The following EXOC6B variants were observed in gnomAD, a reference collection of about 807,000 sequenced individuals.
The protein encoded by EXOC6B is SEC15 homolog B.
Under a neutral mutation model 113.5 loss-of-function variants are expected in EXOC6B, and 54 were observed. The observed-to-expected ratio is 0.48, with a 90% CI of 0.38 to 0.60. The LOEUF (loss-of-function observed/expected upper bound fraction) is 0.60. EXOC6B is among the 20% of genes least tolerant of loss of function. The probability of loss-of-function intolerance (pLI) is 0.00; values close to 1 mark genes in which losing one functional copy is unlikely to be tolerated. For synonymous variants in EXOC6B, 357 were observed against 339.0 expected (o/e 1.05, Z -0.58); for missense variants, 797 against 977.5 (o/e 0.82, Z 2.46).
chr2:72,537,002 T>C (rs1470598716), intron 8 of EXOC6B, among the ~76,000 whole-genome samples: 1 of 152,248 alleles, frequency 6.6e-6, no homozygotes, highest in Admixed American at 6.5e-5. Context: ...GTCTTGTACA[T>C]ATTTTAGGTT....
intron 1 of EXOC6B, among the ~76,000 whole-genome samples, chr2:72,823,482 A>AAAAAAAAAAAAAAG (rs1686713143): frequency 1.4e-5 from 2 of 138,984 alleles, no homozygotes; most frequent in South Asian, 2.1e-4. Context: ...AAAAAAACAA[A>AAAAAAAAAAAAAAG]AAACAAAAAA....
intron 19 of EXOC6B, among the ~76,000 whole-genome samples, chr2:72,339,978 A>G (rs1475722221): frequency 6.6e-6 from 1 of 152,158 alleles, no homozygotes; most frequent in Non-Finnish European, 1.5e-5. Flanking sequence ...TATATTTCTA[A>G]TAATCTTCAC....
intron 19 of EXOC6B, among the ~76,000 whole-genome samples, chr2:72,364,978 G>A (rs1690531728): frequency 6.6e-6 from 1 of 152,066 alleles, no homozygotes; most frequent in Non-Finnish European, 1.5e-5. Context: ...AATTTTGACT[G>A]GTTTAGCCAA....
Position 72,176,269 on chromosome 2 carries a change from A to C in EXOC6B, c.*3066T>G, listed in dbSNP as rs1372779429. On this transcript the variant is annotated 3_prime_UTR_variant, in exon 22 of 22. Transcript: ENST00000272427. ...ATTGTGAATGCAGGCAAAAAAAAAA[A>C]AAACAAAAAGGAAGAAGAAGAAGAA... The C allele has an allele frequency of 1.3e-5, 2 of 149,712 alleles. No individual in the cohort carries two copies. The highest frequency in any genetic ancestry group is 1.9e-4 in the East Asian group (1 of 5,194). 9.3% of individuals were successfully genotyped at this position (149,712 alleles called of 1,614,324 possible). A position where few individuals can be genotyped will look rare whatever the true frequency, so the allele number is the denominator to read the frequency against.
chr2:72,472,522 T>C (rs1698475888), intron 17 of EXOC6B, among the ~76,000 whole-genome samples: 1 of 152,170 alleles, frequency 6.6e-6, no homozygotes, highest in Admixed American at 6.5e-5. Context: ...CTGATGATCT[T>C]TTCTGTTTCT....
At chr2:72,585,823 A>G (rs1041987884) in intron 6 of EXOC6B, among the ~76,000 whole-genome samples, 6 of 152,164 alleles carry the variant, frequency 3.9e-5, no homozygotes, top group African/African-American at 1.2e-4. Context: ...ACCAACCTAA[A>G]AAAAGCCCTG....
chr2:72,267,503 A>G (rs527572792), intron 20 of EXOC6B, among the ~76,000 whole-genome samples: 1 of 152,170 alleles, frequency 6.6e-6, no homozygotes, highest in Non-Finnish European at 1.5e-5. Flanking sequence ...TTCTGCATCT[A>G]TTGAGATAAT....
intron 18 of EXOC6B, among the ~76,000 whole-genome samples, chr2:72,454,579 T>C (rs770764507): frequency 2.0e-5 from 3 of 152,198 alleles, no homozygotes; most frequent in Non-Finnish European, 4.4e-5. Context: ...TGTGGAATTT[T>C]GCAGTATGTT....
At chr2:72,797,111 A>T (rs552208495) in intron 1 of EXOC6B, among the ~76,000 whole-genome samples, 1 of 152,214 alleles carries the variant, frequency 6.6e-6, no homozygotes, top group South Asian at 2.1e-4. Flanking sequence ...TATGAGCATC[A>T]TCATGCTCCT....
At chr2:72,542,683 T>C (rs998380379) in intron 8 of EXOC6B, among the ~76,000 whole-genome samples, 1 of 152,184 alleles carries the variant, frequency 6.6e-6, no homozygotes. Context: ...AAATCATCTA[T>C]AAAAGAAAAA....
intron 18 of EXOC6B, among the ~76,000 whole-genome samples, chr2:72,414,544 C>CAG (rs1385607010): frequency 1.3e-5 from 2 of 152,322 alleles, no homozygotes; most frequent in East Asian, 3.9e-4. Flanking sequence ...ATAACAGGGA[C>CAG]AGAGGCCCTC....
chr2:72,408,722 G>A (rs1573054662), intron 18 of EXOC6B, among the ~76,000 whole-genome samples: 2 of 152,076 alleles, frequency 1.3e-5, no homozygotes, highest in African/African-American at 2.4e-5. Context: ...AAGTTAAGAT[G>A]GATTAAAGAC....
At chr2:72,546,745 T>C (rs79337708) in intron 8 of EXOC6B, among the ~76,000 whole-genome samples, 2,944 of 152,302 alleles carry the variant, frequency 0.019, 83 homozygotes, top group African/African-American at 0.064. Flanking sequence ...CCATGCATAA[T>C]GGCTGCTCAG....
intron 6 of EXOC6B, among the ~76,000 whole-genome samples, chr2:72,644,991 G>A (rs891946315): frequency 6.6e-5 from 10 of 152,100 alleles, no homozygotes; most frequent in African/African-American, 2.2e-4. Flanking sequence ...GACACAGACT[G>A]GCAAATTGGA....
chr2:72,328,836 C>A (rs1173546738), intron 20 of EXOC6B, among the ~76,000 whole-genome samples: 1 of 152,090 alleles, frequency 6.6e-6, no homozygotes, highest in Admixed American at 6.6e-5. Flanking sequence ...CAGATAATCT[C>A]TTCCAAGATA....
At chr2:72,625,664 A>G (rs931125798) in intron 6 of EXOC6B, among the ~76,000 whole-genome samples, 4 of 152,232 alleles carry the variant, frequency 2.6e-5, no homozygotes, top group Admixed American at 2.0e-4. Context: ...AATTACCTCC[A>G]AATTCCTACA....
chr2:72,493,097 C>T (rs903160022), intron 15 of EXOC6B, among the ~76,000 whole-genome samples: 5 of 152,088 alleles, frequency 3.3e-5, no homozygotes, highest in Non-Finnish European at 7.4e-5. Flanking sequence ...TATTGTCATG[C>T]TAGCTCACAG....
In EXOC6B at chr2:72,474,937, T is replaced by C. The variant is rs547001059; in HGVS notation, c.1800+5679A>G. On this transcript the variant is annotated intron_variant, in intron 17 of 21. Transcript: ENST00000272427. Reference sequence around the variant, plus strand: ...GGACATTTTCCAGAAGATGTATCTATGCTGTTAGTTGGGTAGGACACTTTG... The same window carrying C: ...GGACATTTTCCAGAAGATGTATCTACGCTGTTAGTTGGGTAGGACACTTTG... Among the ~76,000 whole-genome samples the C allele has an allele frequency of 3.9e-5, 6 of 152,298 alleles. No homozygotes were observed. In the South Asian group the frequency reaches 1.2e-3, roughly 32 times the overall value.
At chr2:72,735,307 A>G in intron 2 of EXOC6B, among the ~76,000 whole-genome samples, 1 of 152,154 alleles carries the variant, frequency 6.6e-6, no homozygotes, top group Non-Finnish European at 1.5e-5. Context: ...ATTGCAACTC[A>G]GTACACAAGT....
Sources: gnomAD v4.1 joint callset for allele counts (sites outside exome capture counted in the v4.1 genomes callset) on GRCh38, gnomAD v4.1.1 for gene constraint, MANE v1.5 for transcripts, NCBI Gene and HGNC (gene_info 2026-07-23, HGNC 2026-07-21) for gene names.